NEK10: variants seen among roughly 807,000 people sequenced by gnomAD.
NEK10 encodes NIMA related kinase 10.
In NEK10, 122 loss-of-function variants were observed where a neutral mutation model predicts 159.8. The observed-to-expected ratio is 0.76, with a 90% confidence interval of 0.66 to 0.89. The LOEUF (loss-of-function observed/expected upper bound fraction) is 0.89, where lower values mean the gene tolerates loss of function less well. Among genes scored for constraint, NEK10 ranks in the 40% least tolerant of loss-of-function variants. NEK10 has a pLI of 0.00. For synonymous variants in NEK10, 466 were observed against 457.1 expected (o/e 1.02, Z -0.25); for missense variants, 1,342 against 1,323.1 (o/e 1.01, Z -0.22).
chr3:27,211,591 C>T (rs1014648346), intron 23 of NEK10, among the ~76,000 whole-genome samples: 5 of 152,136 alleles, frequency 3.3e-5, no homozygotes, highest in Non-Finnish European at 5.9e-5. Context: ...TCTCAAAACA[C>T]GAGTGGCAGC....
Position 27,135,246 on chromosome 3 carries a change from A to T in NEK10, c.2971-3256T>A, listed in dbSNP as rs572536597. ...GACCAGCCTTGGGCAACATGGCAAG[A>T]TCCATCTCCAATAAAGAAACAAATA... is the stretch of plus-strand genomic sequence containing the variant. On this transcript the variant is annotated intron_variant, in intron 31 of 35. Coordinates refer to ENST00000691995, the MANE Select transcript of NEK10 (RefSeq NM_001394966.1). Among the ~76,000 whole-genome samples the T allele has an allele frequency of 5.3e-5, 8 of 152,288 alleles. No individual in the cohort carries two copies. In the East Asian group the frequency reaches 9.6e-4, roughly 18 times the overall value.
At chr3:27,242,641 A>G (rs1431970509) in intron 23 of NEK10, among the ~76,000 whole-genome samples, 1 of 152,214 alleles carries the variant, frequency 6.6e-6, no homozygotes, top group Non-Finnish European at 1.5e-5. Context: ...CTGGCATCTT[A>G]CTTCTCTCAC....
chr3:27,259,274 T>A (rs2040183437), intron 22 of NEK10, among the ~76,000 whole-genome samples: 1 of 152,246 alleles, frequency 6.6e-6, no homozygotes, highest in African/African-American at 2.4e-5. Flanking sequence ...TTTGGTGTTT[T>A]AGACATGAAG....
intron 35 of NEK10, among the ~76,000 whole-genome samples, chr3:27,114,608 T>G (rs1361306085): frequency 6.6e-6 from 1 of 152,162 alleles, no homozygotes; most frequent in Admixed American, 6.6e-5. Context: ...AGAATCTAAT[T>G]TCTATATAAT....
At chr3:27,302,665 T>C (rs2043921516) in intron 12 of NEK10, among the ~76,000 whole-genome samples, 1 of 152,196 alleles carries the variant, frequency 6.6e-6, no homozygotes, top group Non-Finnish European at 1.5e-5. Flanking sequence ...ACCATTTTTT[T>C]CCATGTATTT....
intron 23 of NEK10, among the ~76,000 whole-genome samples, chr3:27,247,598 C>T (rs1223320655): frequency 2.0e-5 from 3 of 151,848 alleles, no homozygotes; most frequent in Non-Finnish European, 4.4e-5. Context: ...TGCAGTGGTG[C>T]GATCTCAGCT....
chr3:27,154,428 C>T (rs947710064), intron 30 of NEK10, among the ~76,000 whole-genome samples: 4 of 152,128 alleles, frequency 2.6e-5, no homozygotes, highest in African/African-American at 9.7e-5. Context: ...AAAGAGGGAA[C>T]CCTCCCTAAT....
intron 30 of NEK10, among the ~76,000 whole-genome samples, chr3:27,155,398 A>G (rs1482702267): frequency 2.6e-5 from 4 of 151,988 alleles, no homozygotes; most frequent in Non-Finnish European, 4.4e-5. Context: ...GCTATTAGGG[A>G]GGCTGAGGCA....
intron 32 of NEK10, among the ~76,000 whole-genome samples, chr3:27,121,746 C>A (rs559385687): frequency 5.3e-5 from 8 of 152,164 alleles, no homozygotes; most frequent in Non-Finnish European, 1.2e-4. Flanking sequence ...TACAATCAGA[C>A]AAAACTAACC....
chr3:27,162,460 C>T (rs1456834346), intron 30 of NEK10: 1 of 1,613,960 alleles, frequency 6.2e-7, no homozygotes, highest in South Asian at 1.1e-5. Flanking sequence ...GTAAGTACTA[C>T]CATGATCTTT....
intron 22 of NEK10, among the ~76,000 whole-genome samples, chr3:27,278,223 G>T (rs1166993197): frequency 2.6e-5 from 4 of 152,130 alleles, no homozygotes; most frequent in Non-Finnish European, 4.4e-5. Flanking sequence ...AGAATTTCAG[G>T]TTACTTATTA....
chr3:27,301,026 G>T (rs1401339353), intron 13 of NEK10, among the ~76,000 whole-genome samples: 1 of 152,094 alleles, frequency 6.6e-6, no homozygotes, highest in Non-Finnish European at 1.5e-5. Flanking sequence ...CCTGTCTCCT[G>T]CTGGCCCATA....
At chr3:27,140,761 A>T (rs1943710342) in intron 31 of NEK10, among the ~76,000 whole-genome samples, 1 of 152,212 alleles carries the variant, frequency 6.6e-6, no homozygotes, top group African/African-American at 2.4e-5. Flanking sequence ...CCAAGTCCCT[A>T]GAATAGCATC....
chr3:27,141,943 T>C (rs981934957), intron 30 of NEK10, among the ~76,000 whole-genome samples: 3 of 152,190 alleles, frequency 2.0e-5, no homozygotes, highest in African/African-American at 7.2e-5. Context: ...GAGGCTATCA[T>C]GCTTTTAACT....
At position 27,129,867 on chromosome 3, in the gene NEK10, T is replaced by C. The variant is rs577320792; in HGVS notation, c.3081+2013A>G. On this transcript the variant is annotated intron_variant, in intron 32 of 35. Transcript: ENST00000691995. ...CCATAGAGAAAGGTAAGATTAATTC[T>C]GGACAGGGAAAATTAAGAAAGGTTT... Among the ~76,000 whole-genome samples the C allele has an allele frequency of 2.6e-5, 4 of 151,488 alleles. No individual in the cohort carries two copies. The East Asian group carries it at 7.7e-4, about 29-fold the overall frequency.
chr3:27,218,013 C>T (rs1951702604), intron 23 of NEK10, among the ~76,000 whole-genome samples: 1 of 152,038 alleles, frequency 6.6e-6, no homozygotes, highest in Non-Finnish European at 1.5e-5. Context: ...TGCTTTGGGG[C>T]TATTACTAAG....
intron 23 of NEK10, among the ~76,000 whole-genome samples, chr3:27,211,461 A>G (rs1951003274): frequency 1.3e-5 from 2 of 152,224 alleles, no homozygotes; most frequent in African/African-American, 4.8e-5. Context: ...CCCTCAGTCT[A>G]TTAAAGTCAA....
intron 2 of NEK10, 143 bp downstream of exon 2, chr3:27,352,669 T>C: frequency 2.5e-6 from 2 of 811,542 alleles, no homozygotes; most frequent in Non-Finnish European, 4.1e-6. Context: ...TTTAGAACAC[T>C]AGAAATGACC....
At chr3:27,294,964 C>T (rs2043249782) in intron 15 of NEK10, among the ~76,000 whole-genome samples, 1 of 152,100 alleles carries the variant, frequency 6.6e-6, no homozygotes, top group Admixed American at 6.6e-5. Context: ...AAACCACACA[C>T]CCCAGTTCCA....
Sources: allele counts gnomAD v4.1 joint callset (sites outside exome capture counted in the v4.1 genomes callset), GRCh38; gene constraint gnomAD v4.1.1; transcripts MANE v1.5; gene names NCBI Gene and HGNC (gene_info 2026-07-23, HGNC 2026-07-21).